The following NRXN3 variants were observed in gnomAD, a reference collection of about 807,000 sequenced individuals.
NRXN3 encodes the protein neurexin 3, also known as neurexin III.
A neutral mutation model predicts 137.6 loss-of-function variants in NRXN3; 32 were observed. That is an observed-to-expected ratio of 0.23 (90% CI 0.18 to 0.31). The LOEUF (loss-of-function observed/expected upper bound fraction) is 0.31. Among genes scored for constraint, NRXN3 ranks in the 10% least tolerant of loss-of-function variants. The probability of loss-of-function intolerance (pLI) is 1.00; values close to 1 mark genes in which losing one functional copy is unlikely to be tolerated. For missense variants in NRXN3, 1,574 were observed against 2,062.5 expected, an observed-to-expected ratio of 0.76 and a Z score of 4.59; for synonymous variants, 798 against 784.5, an observed-to-expected ratio of 1.02 and a Z score of -0.29.
rs956759109 is a variant in NRXN3 at position 78,933,984 on chromosome 14, C to T, written c.2276-23258C>T. On this transcript the variant is annotated intron_variant, in intron 10 of 20. Transcript: ENST00000335750. ...ATCTTCAGCTGTTTGTAAATACCTACGGTTGATGAGGAAATGCATTTGTTG... is the reference window on the plus strand; with the variant it reads ...ATCTTCAGCTGTTTGTAAATACCTATGGTTGATGAGGAAATGCATTTGTTG... 1.4e-4 allele frequency among the ~76,000 whole-genome samples: 21 copies of T among 151,726 alleles called. No homozygotes were observed. The South Asian group carries it at 1.9e-3, about 14-fold the overall frequency.
chr14:79,704,482 AATGAG>A (rs748649414), intron 19 of NRXN3, among the ~76,000 whole-genome samples: 50 of 151,562 alleles, frequency 3.3e-4, no homozygotes, highest in Non-Finnish European at 5.9e-4. Context: ...GCTTGAGAGA[AATGAG>A]ATAAGGAATC....
At chr14:78,635,918 C>T (rs1438446195) in intron 4 of NRXN3, among the ~76,000 whole-genome samples, 1 of 152,130 alleles carries the variant, frequency 6.6e-6, no homozygotes, top group African/African-American at 2.4e-5. Flanking sequence ...TAGGCTAGAG[C>T]TGGCTTTGAC....
Position 78,549,066 on chromosome 14 carries a change from A to G in NRXN3, c.758-96054A>G, listed in dbSNP as rs558058028. 2.8e-4 allele frequency among the ~76,000 whole-genome samples: 42 copies of G among 152,320 alleles called. 1 individual carries two copies. The highest frequency in any genetic ancestry group is 2.5e-3 in the Admixed American group (39 of 15,300). On this transcript the variant is annotated intron_variant, in intron 4 of 20. Coordinates refer to ENST00000335750, the MANE Select transcript of NRXN3 (RefSeq NM_001330195.2). ...CCTCTTTCCCCCTTTCTGACATGGA[A>G]ATAGCGAGCGAAGATTTGAGGGCCA...
chr14:78,788,424 C>T (rs2098795646), intron 8 of NRXN3, among the ~76,000 whole-genome samples: 1 of 152,120 alleles, frequency 6.6e-6, no homozygotes, highest in African/African-American at 2.4e-5. Flanking sequence ...GAATGTGATT[C>T]TATGTGGATT....
intron 15 of NRXN3, among the ~76,000 whole-genome samples, chr14:79,269,241 G>A (rs774299944): frequency 6.6e-6 from 1 of 152,052 alleles, no homozygotes; most frequent in Non-Finnish European, 1.5e-5. Flanking sequence ...AGTAGAGACG[G>A]GGTTTCACCA....
At chr14:79,134,190 A>G (rs910572337) in intron 15 of NRXN3, among the ~76,000 whole-genome samples, 1 of 152,178 alleles carries the variant, frequency 6.6e-6, no homozygotes, top group Non-Finnish European at 1.5e-5. Flanking sequence ...GAATATCTGA[A>G]TGGAATGGGA....
intron 8 of NRXN3, among the ~76,000 whole-genome samples, chr14:78,799,185 C>A (rs1049979391): frequency 2.6e-5 from 4 of 152,110 alleles, no homozygotes; most frequent in Non-Finnish European, 5.9e-5. Flanking sequence ...CCTTTGTGTT[C>A]TATTTTCCTT....
chr14:79,791,233 A>C (rs1446505102), intron 19 of NRXN3: 3 of 152,018 alleles, frequency 2.0e-5, no homozygotes, highest in Non-Finnish European at 4.4e-5. Flanking sequence ...CCAAAGGAGG[A>C]GACCAATCCC....
intron 19 of NRXN3, among the ~76,000 whole-genome samples, chr14:79,721,949 T>G (rs2098846048): frequency 6.6e-6 from 1 of 152,072 alleles, no homozygotes; most frequent in Non-Finnish European, 1.5e-5. Context: ...AAGAACTCCA[T>G]AGAGAGCTAA....
chr14:79,506,719 T>C (rs1232083658), intron 16 of NRXN3, among the ~76,000 whole-genome samples: 3 of 152,280 alleles, frequency 2.0e-5, no homozygotes, highest in East Asian at 1.9e-4. Context: ...TAGCTTCATT[T>C]GTCCTTTAAG....
intron 8 of NRXN3, among the ~76,000 whole-genome samples, chr14:78,795,400 G>A (rs1451307697): frequency 6.6e-6 from 1 of 152,132 alleles, no homozygotes; most frequent in Non-Finnish European, 1.5e-5. Flanking sequence ...TTTATTTGGA[G>A]GAGCCTCTGA....
At chr14:79,844,821 C>T (rs1217380946) in intron 20 of NRXN3, among the ~76,000 whole-genome samples, 1 of 152,168 alleles carries the variant, frequency 6.6e-6, no homozygotes, top group Non-Finnish European at 1.5e-5. Context: ...AGAGAATCTG[C>T]CTGTTCTTTG....
In NRXN3 at chr14:78,697,521, T is replaced by G. The variant is rs190272391; in HGVS notation, c.1222-11696T>G. On this transcript the variant is annotated intron_variant, in intron 6 of 20. Transcript: ENST00000335750. Reference sequence around the variant, plus strand: ...GTGATTTGTGTAACTGGTAGTGAAATTCATTTCAGGTTGATTTTGCATGGC... The same window carrying G: ...GTGATTTGTGTAACTGGTAGTGAAAGTCATTTCAGGTTGATTTTGCATGGC... Among the ~76,000 whole-genome samples, 235 of 152,014 alleles carry G rather than the reference T, an allele frequency of 1.5e-3. 3 individuals are homozygous for G. The highest frequency in any genetic ancestry group is 5.6e-3 in the African/African-American group (230 of 41,428).
At chr14:79,246,337 T>C (rs991925186) in intron 15 of NRXN3, among the ~76,000 whole-genome samples, 2 of 152,300 alleles carry the variant, frequency 1.3e-5, no homozygotes, top group African/African-American at 4.8e-5. Context: ...CCACATACTT[T>C]CTTCCCTCAC....
chr14:78,463,722 G>A (rs1555544903), intron 4 of NRXN3, among the ~76,000 whole-genome samples: 1 of 147,066 alleles, frequency 6.8e-6, no homozygotes, highest in Non-Finnish European at 1.5e-5. Context: ...ATATGACAGA[G>A]AGATCAATAA....
intron 15 of NRXN3, among the ~76,000 whole-genome samples, chr14:79,262,386 G>T (rs555728274): frequency 6.8e-6 from 1 of 148,084 alleles, no homozygotes. Context: ...AAAAGAGGGA[G>T]AAGGAAGAAG....
chr14:79,461,350 T>C (rs1209614096), intron 15 of NRXN3, among the ~76,000 whole-genome samples: 1 of 152,300 alleles, frequency 6.6e-6, no homozygotes, highest in East Asian at 1.9e-4. Flanking sequence ...GCCATTAATA[T>C]TTCAGTGAGT....
intron 15 of NRXN3, among the ~76,000 whole-genome samples, chr14:79,321,189 T>C (rs2089955082): frequency 1.3e-5 from 2 of 152,134 alleles, no homozygotes; most frequent in Admixed American, 1.3e-4. Flanking sequence ...GTGGATAAGA[T>C]GGTATCTTTC....
intron 15 of NRXN3, among the ~76,000 whole-genome samples, chr14:79,094,666 G>T (rs1279012937): frequency 2.0e-5 from 3 of 152,194 alleles, no homozygotes; most frequent in African/African-American, 7.2e-5. Flanking sequence ...GGACTGTTAG[G>T]GTTTTAAAAG....
Sources: gnomAD v4.1 joint callset for allele counts (sites outside exome capture counted in the v4.1 genomes callset) on GRCh38, gnomAD v4.1.1 for gene constraint, MANE v1.5 for transcripts, NCBI Gene and HGNC (gene_info 2026-07-23, HGNC 2026-07-21) for gene names.